Variants in SHB observed in about 807,000 individuals in gnomAD.
SHB encodes SH2 domain-containing adapter protein B.
SHB carries 20 observed loss-of-function variants against 52.3 expected under a neutral mutation model. The ratio of observed to expected loss-of-function variants is 0.38; its 90% CI spans 0.27 to 0.56. SHB has a LOEUF of 0.56. SHB is among the 20% of genes least tolerant of loss of function. The pLI is 0.71. For missense variants in SHB, 825 were observed against 723.3 expected (o/e 1.14, Z -1.61); for synonymous variants, 397 against 316.5 (o/e 1.25, Z -2.70).
rs117522774 is a variant in SHB at position 38,008,380 on chromosome 9, A to G, written c.838+7631T>C. 7.5e-4 allele frequency among the ~76,000 whole-genome samples: 115 copies of G among 152,320 alleles called. 2 individuals carry two copies. In the East Asian group the frequency reaches 0.021, roughly 28 times the overall value. ...GGTGTGTGAGCCCTGCTGTTTCTTA[A>G]GAATAGGAAAGTCATCAGGTGACTA... On this transcript the variant is annotated intron_variant, in intron 2 of 5. Coordinates refer to ENST00000377707, the MANE Select transcript of SHB (RefSeq NM_003028.3).
chr9:37,941,696 C>T (rs535980995), intron 5 of SHB, among the ~76,000 whole-genome samples: 1 of 152,314 alleles, frequency 6.6e-6, no homozygotes, highest in East Asian at 1.9e-4. Context: ...CCTACTAAGT[C>T]CACTGTCAGG....
At chr9:38,041,404 T>C (rs1316626572) in intron 1 of SHB, among the ~76,000 whole-genome samples, 1 of 152,148 alleles carries the variant, frequency 6.6e-6, no homozygotes, top group Non-Finnish European at 1.5e-5. Context: ...GGCCCAGGCA[T>C]GACCTATGGG....
intron 1 of SHB, among the ~76,000 whole-genome samples, chr9:38,057,568 A>G (rs1471993080): frequency 6.6e-6 from 1 of 152,248 alleles, no homozygotes; most frequent in Non-Finnish European, 1.5e-5. Context: ...GGCCCCACAC[A>G]GGGCAGGTAG....
At chr9:37,973,031 C>A (rs1203765938) in intron 3 of SHB, among the ~76,000 whole-genome samples, 2 of 152,182 alleles carry the variant, frequency 1.3e-5, no homozygotes, top group Non-Finnish European at 2.9e-5. Context: ...CATTGTTTGG[C>A]ATCTGGCTTT....
At chr9:38,032,910 C>T (rs1821434926) in intron 1 of SHB, among the ~76,000 whole-genome samples, 2 of 152,226 alleles carry the variant, frequency 1.3e-5, no homozygotes, top group Admixed American at 6.5e-5. Context: ...GGAAAACCTG[C>T]TTCTCTAGAA....
chr9:38,039,116 C>G (rs79094619), intron 1 of SHB, among the ~76,000 whole-genome samples: 1 of 152,162 alleles, frequency 6.6e-6, no homozygotes, highest in African/African-American at 2.4e-5. Context: ...TTTTCTTCCC[C>G]GGAAAAATGT....
In SHB at chr9:37,916,480, C is replaced by T. The variant is rs1476456340; in HGVS notation, c.*3341G>A. On this transcript the variant is annotated 3_prime_UTR_variant, in exon 6 of 6. Coordinates refer to ENST00000377707, the MANE Select transcript of SHB (RefSeq NM_003028.3). The stretch of plus-strand genomic sequence containing the variant: ...GTGTTCAGCATCTTACAAAGGGGGC[C>T]GCTGGTTCTGGGAATGGGCAGAGGG... Among the ~76,000 whole-genome samples the T allele has an allele frequency of 3.9e-5, 6 of 152,208 alleles. No homozygotes were observed. Among genetic ancestry groups the T allele is most frequent in the South Asian group, 2.1e-4 (1 of 4,832 alleles).
intron 1 of SHB, among the ~76,000 whole-genome samples, chr9:38,039,787 A>T (rs1192032954): frequency 1.3e-5 from 2 of 152,240 alleles, no homozygotes; most frequent in Admixed American, 1.3e-4. Context: ...CTCCTGCCTC[A>T]GCGAGGGCAG....
At chr9:37,943,640 T>C (rs1271419667) in intron 5 of SHB, among the ~76,000 whole-genome samples, 1 of 152,140 alleles carries the variant, frequency 6.6e-6, no homozygotes, top group African/African-American at 2.4e-5. Context: ...GCTGGGTCCT[T>C]GTCAAAGCTG....
intron 5 of SHB, among the ~76,000 whole-genome samples, chr9:37,941,370 A>G (rs761215008): frequency 1.2e-4 from 19 of 152,244 alleles, no homozygotes; most frequent in Admixed American, 6.5e-4. Context: ...CCCATTTTAT[A>G]GATGAGAAAA....
intron 3 of SHB, among the ~76,000 whole-genome samples, chr9:37,969,844 G>C (rs1441528541): frequency 6.6e-6 from 1 of 152,262 alleles, no homozygotes; most frequent in Non-Finnish European, 1.5e-5. Context: ...CCAACATTGG[G>C]CAGGGGGTGC....
Position 37,919,636 on chromosome 9 carries a change from T to G in SHB, c.*185A>C. The G allele has an allele frequency of 1.9e-6, 1 of 532,152 alleles. No homozygotes were observed. The highest frequency in any genetic ancestry group is 2.7e-5 in the South Asian group (1 of 36,776). 33.0% of individuals were successfully genotyped at this position (532,152 alleles called of 1,614,324 possible). On this transcript the variant is annotated 3_prime_UTR_variant, in exon 6 of 6. Coordinates refer to ENST00000377707, the MANE Select transcript of SHB (RefSeq NM_003028.3). ...GGTGGTGTGTTGCCGCCCTTCTGTC[T>G]TTATCCAGGCCTTCTCCAGCCCCCG...
intron 1 of SHB, among the ~76,000 whole-genome samples, chr9:38,045,821 G>T (rs192292966): frequency 6.6e-6 from 1 of 152,332 alleles, no homozygotes; most frequent in Non-Finnish European, 1.5e-5. Flanking sequence ...CTTCTAGCGT[G>T]TCTAGGCCAG....
intron 2 of SHB, among the ~76,000 whole-genome samples, chr9:37,990,321 G>T (rs1820867035): frequency 6.6e-6 from 1 of 152,144 alleles, no homozygotes; most frequent in Admixed American, 6.5e-5. Context: ...CACCCTGGGA[G>T]CCTTGAGGCT....
In SHB at chr9:38,065,381, T is replaced by C. The variant is rs562752181; in HGVS notation, c.717+2548A>G. Among the ~76,000 whole-genome samples, 43 of 152,274 alleles carry C rather than the reference T, an allele frequency of 2.8e-4. No homozygotes were observed. In the South Asian group the frequency reaches 8.7e-3, roughly 31 times the overall value. On this transcript the variant is annotated intron_variant, in intron 1 of 5. Coordinates refer to ENST00000377707, the MANE Select transcript of SHB (RefSeq NM_003028.3). ...TGACCAGAAGACCCAGAGGGACAGT[T>C]AAGGAGAAGCCACTGTTGCATGAGT...
intron 1 of SHB, among the ~76,000 whole-genome samples, chr9:38,052,506 A>G (rs1406144040): frequency 6.6e-6 from 1 of 152,176 alleles, no homozygotes; most frequent in Admixed American, 6.5e-5. Flanking sequence ...GCGCTCGGTC[A>G]ATTTCTCTCG....
chr9:37,950,592 G>C (rs1001929485), intron 4 of SHB, among the ~76,000 whole-genome samples: 1 of 152,186 alleles, frequency 6.6e-6, no homozygotes. Context: ...GCAGAGGCAC[G>C]GGGCGGTACT....
At chr9:38,022,847 A>G (rs1821298040) in intron 1 of SHB, among the ~76,000 whole-genome samples, 1 of 152,224 alleles carries the variant, frequency 6.6e-6, no homozygotes, top group East Asian at 1.9e-4. Context: ...GACAGCCAGT[A>G]AAGGAACACG....
chr9:38,001,216 G>A (rs1209290602), intron 2 of SHB, among the ~76,000 whole-genome samples: 3 of 152,220 alleles, frequency 2.0e-5, no homozygotes, highest in Non-Finnish European at 4.4e-5. Context: ...TCCTCTGAAA[G>A]GCAGGGGTCC....
Sources: allele counts gnomAD v4.1 joint callset (sites outside exome capture counted in the v4.1 genomes callset), GRCh38; gene constraint gnomAD v4.1.1; transcripts MANE v1.5; gene names NCBI Gene and HGNC (gene_info 2026-07-23, HGNC 2026-07-21).